GALNTL6: variants seen among roughly 807,000 people sequenced by gnomAD.
GALNTL6 encodes polypeptide N-acetylgalactosaminyltransferase-like 6.
Under a neutral mutation model 73.7 loss-of-function variants are expected in GALNTL6, and 46 were observed. The observed-to-expected ratio is 0.62, with a 90% CI of 0.49 to 0.80. The LOEUF is 0.80. Ranked by LOEUF, GALNTL6 falls within the 30% of genes least tolerant of loss-of-function variation. The probability of loss-of-function intolerance (pLI) is 0.00; values close to 1 mark genes in which losing one functional copy is unlikely to be tolerated. For synonymous variants in GALNTL6, 259 were observed against 263.7 expected, an observed-to-expected ratio of 0.98 and a Z score of 0.17; for missense variants, 604 against 755.0, an observed-to-expected ratio of 0.80 and a Z score of 2.34.
At chr4:172,547,040 C>T (rs72997054) in intron 5 of GALNTL6, among the ~76,000 whole-genome samples, 6,737 of 151,514 alleles carry the variant, frequency 0.044, 473 homozygotes, top group African/African-American at 0.15. Context: ...ATTCTACCCT[C>T]GGTCTCTAAG....
At chr4:172,136,837 A>G (rs772050902) in intron 2 of GALNTL6, among the ~76,000 whole-genome samples, 46 of 152,058 alleles carry the variant, frequency 3.0e-4, no homozygotes, top group Non-Finnish European at 5.4e-4. Context: ...AAAAATACCA[A>G]CCATGCAAAG....
At chr4:172,351,838 T>C (rs1301542034) in intron 5 of GALNTL6, among the ~76,000 whole-genome samples, 1 of 152,154 alleles carries the variant, frequency 6.6e-6, no homozygotes, top group African/African-American at 2.4e-5. Flanking sequence ...TTCTGTTCAG[T>C]ATTTGCACTA....
chr4:172,072,341 G>T (rs898378067), intron 2 of GALNTL6, among the ~76,000 whole-genome samples: 6 of 151,750 alleles, frequency 4.0e-5, no homozygotes, highest in Non-Finnish European at 5.9e-5. Flanking sequence ...GGTCCTTAGG[G>T]TTTTTTTCTA....
intron 3 of GALNTL6, among the ~76,000 whole-genome samples, chr4:172,288,370 C>A (rs1206882464): frequency 6.6e-6 from 1 of 152,136 alleles, no homozygotes; most frequent in Non-Finnish European, 1.5e-5. Flanking sequence ...GGATTACAGG[C>A]ATGAGCCACA....
intron 2 of GALNTL6, among the ~76,000 whole-genome samples, chr4:172,155,277 C>T (rs765401782): frequency 6.6e-6 from 1 of 152,160 alleles, no homozygotes; most frequent in East Asian, 1.9e-4. Context: ...GCATTACAGG[C>T]GTGAGCCACC....
chr4:172,193,333 T>G (rs1267313527), intron 2 of GALNTL6, among the ~76,000 whole-genome samples: 1 of 152,174 alleles, frequency 6.6e-6, no homozygotes, highest in Non-Finnish European at 1.5e-5. Flanking sequence ...GCAGCTATCT[T>G]TGCTGTTTTT....
intron 5 of GALNTL6, among the ~76,000 whole-genome samples, chr4:172,702,226 G>A (rs1038182457): frequency 1.3e-5 from 2 of 151,866 alleles, no homozygotes; most frequent in South Asian, 2.1e-4. Flanking sequence ...ACATACACAC[G>A]AAGAGACACA....
chr4:172,146,629 A>T (rs541177672), intron 2 of GALNTL6, among the ~76,000 whole-genome samples: 2 of 152,272 alleles, frequency 1.3e-5, no homozygotes, highest in African/African-American at 4.8e-5. Flanking sequence ...CTGCATTATG[A>T]CAGTATCTCC....
chr4:172,469,215 G>C (rs116232652), intron 5 of GALNTL6, among the ~76,000 whole-genome samples: 1 of 152,210 alleles, frequency 6.6e-6, no homozygotes, highest in Non-Finnish European at 1.5e-5. Context: ...GTCTCTATTG[G>C]GAAATGATGG....
At chr4:171,875,494 A>G (rs1246325947) in intron 2 of GALNTL6, among the ~76,000 whole-genome samples, 2 of 152,022 alleles carry the variant, frequency 1.3e-5, no homozygotes, top group African/African-American at 2.4e-5. Context: ...GTTGATGCAC[A>G]TGTGTGAGCA....
chr4:172,700,721 T>C (rs1733977554), intron 5 of GALNTL6, among the ~76,000 whole-genome samples: 1 of 152,188 alleles, frequency 6.6e-6, no homozygotes, highest in African/African-American at 2.4e-5. Context: ...TCCTGACATA[T>C]GGTCAATCGC....
intron 4 of GALNTL6, among the ~76,000 whole-genome samples, chr4:172,320,868 A>C (rs568713183): frequency 6.6e-6 from 1 of 152,328 alleles, no homozygotes; most frequent in East Asian, 1.9e-4. Flanking sequence ...CTGAGGAGCA[A>C]CGCTGGAGAC....
chr4:173,002,351 C>T (rs1203450190), intron 10 of GALNTL6, among the ~76,000 whole-genome samples: 2 of 151,880 alleles, frequency 1.3e-5, no homozygotes, highest in Admixed American at 1.3e-4. Context: ...GATTGTGCCA[C>T]TGCACTCCAG....
At chr4:171,889,457 T>A (rs772755921) in intron 2 of GALNTL6, among the ~76,000 whole-genome samples, 1 of 152,072 alleles carries the variant, frequency 6.6e-6, no homozygotes, top group Non-Finnish European at 1.5e-5. Flanking sequence ...GCAAAGAACC[T>A]GAAAGGTTTG....
At chr4:172,788,497 C>T (rs1041061854) in intron 5 of GALNTL6, among the ~76,000 whole-genome samples, 52 of 151,884 alleles carry the variant, frequency 3.4e-4, no homozygotes, top group African/African-American at 1.2e-3. Context: ...ACGGTAAAAC[C>T]CCGTCTCTAC....
At chr4:171,848,281 C>T (rs1735427564) in intron 2 of GALNTL6, among the ~76,000 whole-genome samples, 1 of 152,144 alleles carries the variant, frequency 6.6e-6, no homozygotes, top group African/African-American at 2.4e-5. Context: ...GTAAATTATG[C>T]TATAGACAGA....
At chr4:172,178,702 T>C (rs1490264275) in intron 2 of GALNTL6, among the ~76,000 whole-genome samples, 6 of 144,510 alleles carry the variant, frequency 4.2e-5, no homozygotes, top group African/African-American at 5.2e-5. Context: ...ATGTGCACAT[T>C]GTGCAGGTTA....
At chr4:172,138,626 T>C (rs1733719821) in intron 2 of GALNTL6, among the ~76,000 whole-genome samples, 1 of 138,342 alleles carries the variant, frequency 7.2e-6, no homozygotes, top group Non-Finnish European at 1.5e-5. Flanking sequence ...ACCTCCCGGG[T>C]TCACGCCATT....
chr4:172,379,604 A>C (rs1186710869), intron 5 of GALNTL6, among the ~76,000 whole-genome samples: 1 of 151,052 alleles, frequency 6.6e-6, no homozygotes, highest in African/African-American at 2.4e-5. Flanking sequence ...CACCAAAAAA[A>C]GGTGGGAAAG....
Sources: allele counts gnomAD v4.1 joint callset (sites outside exome capture counted in the v4.1 genomes callset), GRCh38; gene constraint gnomAD v4.1.1; transcripts MANE v1.5; gene names NCBI Gene and HGNC (gene_info 2026-07-23, HGNC 2026-07-21).